The following ZNF536 variants were observed in gnomAD, a reference collection of about 807,000 sequenced individuals.
The protein encoded by ZNF536 is zinc finger protein 536.
ZNF536 carries 13 observed loss-of-function variants against 84.5 expected under a neutral mutation model. The ratio of observed to expected loss-of-function variants is 0.15; its 90% CI spans 0.10 to 0.24. The LOEUF (loss-of-function observed/expected upper bound fraction) is 0.24, where lower values mean the gene tolerates loss of function less well. Ranked by LOEUF, ZNF536 falls within the 10% of genes least tolerant of loss-of-function variation. The pLI, the probability that ZNF536 is intolerant of heterozygous loss-of-function variation, is 1.00. For synonymous variants in ZNF536, 811 were observed against 742.5 expected (o/e 1.09, Z -1.50); for missense variants, 1,536 against 1,747.5 (o/e 0.88, Z 2.16).
chr19:30,292,616 G>A (rs2045879299), intron 2 of ZNF536, among the ~76,000 whole-genome samples: 2 of 152,106 alleles, frequency 1.3e-5, no homozygotes, highest in African/African-American at 2.4e-5. Flanking sequence ...CCACTGCTAG[G>A]CCTCTAGGGG....
At chr19:30,358,352 G>A (rs2048163984) in intron 3 of ZNF536, among the ~76,000 whole-genome samples, 1 of 152,184 alleles carries the variant, frequency 6.6e-6, no homozygotes, top group Non-Finnish European at 1.5e-5. Context: ...GAACACAGTA[G>A]GCCCTCCTCA....
At chr19:30,603,176 A>G (rs1343398452) in intron 1 of ZNF536, among the ~76,000 whole-genome samples, 2 of 152,210 alleles carry the variant, frequency 1.3e-5, no homozygotes, top group Non-Finnish European at 2.9e-5. Flanking sequence ...TGGAGGCCTC[A>G]GGAGTATAAG....
chr19:30,253,279 A>T (rs937846457), intron 1 of ZNF536, among the ~76,000 whole-genome samples: 2 of 152,220 alleles, frequency 1.3e-5, no homozygotes, highest in Admixed American at 6.5e-5. Context: ...AATCTCTGAC[A>T]TTGAGACATT....
chr19:30,557,930 A>G lies in ZNF536; in HGVS notation c.*766A>G, dbSNP rs1001485876. On this transcript the variant is annotated 3_prime_UTR_variant, in exon 5 of 5. Transcript: ENST00000355537. ...TAGCTTTCTGAATAAGTGTCAAACT[A>G]TATCTTTAAGTGTGCTGTATGCTGA... 1 of 152,606 alleles carries G rather than the reference A, an allele frequency of 6.6e-6. No homozygotes were observed. Among genetic ancestry groups the G allele is most frequent in the Non-Finnish European group, 1.5e-5 (1 of 68,044 alleles). 9.5% of individuals were successfully genotyped at this position (152,606 alleles called of 1,614,324 possible). A position where few individuals can be genotyped will look rare whatever the true frequency, so the allele number is the denominator to read the frequency against.
At chr19:30,539,227 G>C (rs1200218764) in intron 3 of ZNF536, among the ~76,000 whole-genome samples, 1 of 152,160 alleles carries the variant, frequency 6.6e-6, no homozygotes, top group African/African-American at 2.4e-5. Flanking sequence ...GTGAGCTGGA[G>C]ACTCAGGAGA....
At chr19:30,408,344 C>A (rs1416524161) in intron 1 of ZNF536, among the ~76,000 whole-genome samples, 2 of 152,270 alleles carry the variant, frequency 1.3e-5, no homozygotes, top group Middle Eastern at 6.8e-3. Flanking sequence ...TTTGTCTGTA[C>A]CATTTTTGAT....
chr19:30,700,204 CTTT>C (rs2051856939), intron 1 of ZNF536, among the ~76,000 whole-genome samples: 5 of 104,226 alleles, frequency 4.8e-5, no homozygotes, highest in African/African-American at 1.7e-4. Flanking sequence ...TTCTTTCCTT[CTTT>C]CTTTCCTTCT....
chr19:30,502,333 G>A (rs1206484734), intron 2 of ZNF536, among the ~76,000 whole-genome samples: 1 of 152,202 alleles, frequency 6.6e-6, no homozygotes, highest in African/African-American at 2.4e-5. Flanking sequence ...CTGGCTGGCA[G>A]TGTGGGTGGG....
At chr19:30,236,272 A>G (rs904256141) in intron 1 of ZNF536, among the ~76,000 whole-genome samples, 5 of 152,242 alleles carry the variant, frequency 3.3e-5, no homozygotes, top group African/African-American at 4.8e-5. Context: ...AGCTGGGAAC[A>G]GTCTGAAGCC....
intron 3 of ZNF536, among the ~76,000 whole-genome samples, chr19:30,540,029 G>T (rs192220113): frequency 9.1e-4 from 139 of 152,340 alleles, no homozygotes; most frequent in African/African-American, 3.2e-3. Context: ...TCTGTGAGTG[G>T]TTTATTAATC....
intron 1 of ZNF536, among the ~76,000 whole-genome samples, chr19:30,404,844 C>T (rs944695305): frequency 2.0e-5 from 3 of 152,320 alleles, no homozygotes; most frequent in African/African-American, 4.8e-5. Flanking sequence ...GTCCCCAAGA[C>T]GGTCCTGCCC....
At chr19:30,235,445 A>T (rs1255038863) in intron 1 of ZNF536, among the ~76,000 whole-genome samples, 1 of 152,232 alleles carries the variant, frequency 6.6e-6, no homozygotes, top group Non-Finnish European at 1.5e-5. Context: ...GAGAACATAT[A>T]CATTGTTGTG....
intron 2 of ZNF536, among the ~76,000 whole-genome samples, chr19:30,477,383 C>T (rs2053893472): frequency 6.6e-6 from 1 of 152,154 alleles, no homozygotes; most frequent in Admixed American, 6.5e-5. Flanking sequence ...GATATTCATA[C>T]ACAGCAGTAA....
chr19:30,395,409 G>T (rs1157971779), intron 1 of ZNF536, among the ~76,000 whole-genome samples: 1 of 152,200 alleles, frequency 6.6e-6, no homozygotes, highest in Non-Finnish European at 1.5e-5. Context: ...TTAAAACCCA[G>T]CCCTGCTGGT....
At chr19:30,593,519 G>A (rs1176797502) in intron 1 of ZNF536, among the ~76,000 whole-genome samples, 1 of 152,154 alleles carries the variant, frequency 6.6e-6, no homozygotes, top group African/African-American at 2.4e-5. Context: ...CTGAAATGGA[G>A]CATTTCCTAA....
intron 2 of ZNF536, among the ~76,000 whole-genome samples, chr19:30,489,496 C>T (rs560634173): frequency 1.5e-4 from 23 of 152,140 alleles, no homozygotes; most frequent in African/African-American, 5.3e-4. Context: ...GTGGGAGGAT[C>T]GCTTGAGCCC....
At chr19:30,518,013 A>C (rs1326329777) in intron 2 of ZNF536, among the ~76,000 whole-genome samples, 1 of 152,046 alleles carries the variant, frequency 6.6e-6, no homozygotes, top group African/African-American at 2.4e-5. Flanking sequence ...TTATCTACAG[A>C]GGTCAGTCTA....
At position 30,412,587 on chromosome 19, in the gene ZNF536, T is replaced by C. The variant is rs186108954; in HGVS notation, c.-2-30974T>C. On this transcript the variant is annotated intron_variant, in intron 1 of 4. Coordinates refer to ENST00000355537, the MANE Select transcript of ZNF536 (RefSeq NM_014717.3). ...ATTTTATTTGATATTTATATTGCTGTTTATAAATGAGATTGCCTTATAGCT... is the reference window on the plus strand; with the variant it reads ...ATTTTATTTGATATTTATATTGCTGCTTATAAATGAGATTGCCTTATAGCT... Among the ~76,000 whole-genome samples, 484 of 152,176 alleles carry C rather than the reference T, an allele frequency of 3.2e-3. 3 individuals are homozygous for C. The highest frequency in any genetic ancestry group is 0.011 in the African/African-American group (457 of 41,574).
chr19:30,526,556 C>G (rs7259672), intron 2 of ZNF536, among the ~76,000 whole-genome samples: 5,180 of 142,778 alleles, frequency 0.036, 465 homozygotes, highest in South Asian at 0.12. Flanking sequence ...AACCCCGTCT[C>G]TACTAAAAAT....
Sources: gnomAD v4.1 joint callset for allele counts (sites outside exome capture counted in the v4.1 genomes callset) on GRCh38, gnomAD v4.1.1 for gene constraint, MANE v1.5 for transcripts, NCBI Gene and HGNC (gene_info 2026-07-23, HGNC 2026-07-21) for gene names.